NSF: variants seen among roughly 807,000 people sequenced by gnomAD.
NSF encodes vesicle-fusing ATPase.
In NSF, 14 loss-of-function variants were observed where a neutral mutation model predicts 50.3. The observed-to-expected ratio is 0.28, with a 90% CI of 0.18 to 0.44. NSF has a LOEUF of 0.44. Among genes scored for constraint, NSF ranks in the 20% least tolerant of loss-of-function variants. The pLI, the probability that NSF is intolerant of heterozygous loss-of-function variation, is 1.00. For missense variants in NSF, 218 were observed against 504.3 expected (o/e 0.43, Z 5.44); for synonymous variants, 109 against 175.7 (o/e 0.62, Z 3.00).
intron 9 of NSF, among the ~76,000 whole-genome samples, chr17:46,680,392 T>C (rs1385468030): frequency 1.3e-5 from 2 of 151,520 alleles, no homozygotes; most frequent in Non-Finnish European, 2.9e-5. Flanking sequence ...GGAGCTGAGA[T>C]AATTGACTAC....
intron 9 of NSF, among the ~76,000 whole-genome samples, chr17:46,676,149 C>T (rs1293783862): frequency 1.1e-4 from 15 of 141,196 alleles, no homozygotes; most frequent in Non-Finnish European, 1.9e-4. Flanking sequence ...ATATCTGCTG[C>T]CACCACAGGG....
Position 46,708,492 on chromosome 17 carries a change from T to C in NSF, c.1471-2471T>C, listed in dbSNP as rs1240241024. On this transcript the variant is annotated intron_variant, in intron 13 of 20. Transcript: ENST00000398238. ...CTTATCAACCATTTGTTACATATCC[T>C]TTTTTTTTTTTTTTTTTTTGAGACA... Among the ~76,000 whole-genome samples the C allele has an allele frequency of 1.5e-3, 153 of 102,406 alleles. 4 individuals carry two copies. The East Asian group carries it at 0.11, about 77-fold the overall frequency. 67.2% of individuals were successfully genotyped at this position (102,406 alleles called of 152,430 possible).
In NSF at chr17:46,755,303, G is replaced by C; in HGVS notation, c.2158-11G>C. On this transcript the variant is annotated splice_polypyrimidine_tract_variant and intron_variant, in intron 19 of 20. Transcript: ENST00000398238. ...CCATTAACCCATCTTCATTTCTTCT[G>C]ATGTATTTAGATGGATCCTGAATAC... The C allele has an allele frequency of 6.2e-7, 1 of 1,608,926 alleles. No individual in the cohort carries two copies. The highest frequency in any genetic ancestry group is 1.3e-5 in the African/African-American group (1 of 74,970).
At chr17:46,605,592 C>T in intron 1 of NSF, among the ~76,000 whole-genome samples, 1 of 70,238 alleles carries the variant, frequency 1.4e-5, no homozygotes, top group Non-Finnish European at 2.7e-5. Context: ...AATTGTCAAC[C>T]AAGAATTGTA....
intron 12 of NSF, among the ~76,000 whole-genome samples, chr17:46,695,221 G>A (rs1480285676): frequency 7.1e-6 from 1 of 140,086 alleles, no homozygotes; most frequent in Non-Finnish European, 1.5e-5. Flanking sequence ...ACTCCAGCCT[G>A]GGTGACAGAG....
rs772447206 is a variant in NSF, at chr17:46,757,425, C to T, written c.*1602C>T. On this transcript the variant is annotated 3_prime_UTR_variant, in exon 21 of 21. Coordinates refer to ENST00000398238, the MANE Select transcript of NSF (RefSeq NM_006178.4). ...TGTATTGAAAAAATATTGTTTAATG[C>T]AAATGAAGGAATGCAATAAAGAGTA... 1.3e-5 allele frequency: 2 copies of T among 152,534 alleles called. No individual in the cohort carries two copies. The highest frequency in any genetic ancestry group is 2.4e-5 in the African/African-American group (1 of 41,480). 9.4% of individuals were successfully genotyped at this position (152,534 alleles called of 1,614,324 possible).
intron 19 of NSF, among the ~76,000 whole-genome samples, chr17:46,753,867 A>C (rs2059207823): frequency 6.6e-6 from 1 of 152,208 alleles, no homozygotes; most frequent in Non-Finnish European, 1.5e-5. Context: ...GAGAGGCTGA[A>C]CCTAAGTGAA....
At chr17:46,691,449 G>T (rs2058545295) in intron 9 of NSF, among the ~76,000 whole-genome samples, 1 of 116,578 alleles carries the variant, frequency 8.6e-6, no homozygotes, top group African/African-American at 3.5e-5. Flanking sequence ...ACAAAAATTA[G>T]CCAGGAGTGG....
At chr17:46,729,075 T>A (rs974575259) in intron 17 of NSF, 141 bp downstream of exon 17, 1 of 554,098 alleles carries the variant, frequency 1.8e-6, no homozygotes, top group East Asian at 3.0e-5. Context: ...TCGTCCAGTC[T>A]TGACTTCTGT....
At chr17:46,715,920 G>A (rs1004945048) in intron 15 of NSF, among the ~76,000 whole-genome samples, 3 of 152,068 alleles carry the variant, frequency 2.0e-5, no homozygotes, top group African/African-American at 4.8e-5. Flanking sequence ...GATCATCCGT[G>A]CACTCTTAAA....
chr17:46,704,963 A>G (rs1297203737), intron 13 of NSF, 109 bp downstream of exon 13: 6 of 1,019,034 alleles, frequency 5.9e-6, no homozygotes, highest in Non-Finnish European at 8.3e-6. Context: ...TAGCATATGC[A>G]GTTTCATAAA....
intron 15 of NSF, among the ~76,000 whole-genome samples, chr17:46,714,375 CAG>C (rs1340265769): frequency 6.6e-6 from 1 of 152,120 alleles, no homozygotes; most frequent in Non-Finnish European, 1.5e-5. Context: ...TTGAGGAAGA[CAG>C]AGATGTATCA....
At chr17:46,755,253 G>A in intron 19 of NSF, 61 bp from the exon 20 acceptor site, 1 of 1,278,504 alleles carries the variant, frequency 7.8e-7, no homozygotes, top group Non-Finnish European at 1.1e-6. Flanking sequence ...TTCTCATGAA[G>A]CAAGTGCAGA....
intron 17 of NSF, among the ~76,000 whole-genome samples, chr17:46,743,071 C>T (rs2059092852): frequency 1.3e-5 from 2 of 152,106 alleles, no homozygotes; most frequent in Non-Finnish European, 2.9e-5. Flanking sequence ...TGTGAGTCAC[C>T]CCACTGCCAT....
intron 13 of NSF, among the ~76,000 whole-genome samples, chr17:46,709,398 G>A (rs2058695416): frequency 6.6e-6 from 1 of 152,038 alleles, no homozygotes. Flanking sequence ...TATATCTTGG[G>A]AGAGTCACTG....
chr17:46,711,165 G>A (rs1361001375), intron 14 of NSF, 46 bp downstream of exon 14: 3 of 1,446,184 alleles, frequency 2.1e-6, no homozygotes, highest in Admixed American at 2.9e-5. Flanking sequence ...AGGAAAAAAA[G>A]CAGCATTTTT....
intron 14 of NSF, among the ~76,000 whole-genome samples, chr17:46,712,080 TG>T (rs2058725123): frequency 6.6e-6 from 1 of 152,162 alleles, no homozygotes; most frequent in East Asian, 1.9e-4. Flanking sequence ...GAGAATGGAT[TG>T]GAGGGGCAAA....
intron 13 of NSF, among the ~76,000 whole-genome samples, chr17:46,707,664 G>A (rs945669509): frequency 6.6e-6 from 1 of 152,040 alleles, no homozygotes; most frequent in Admixed American, 6.6e-5. Context: ...CTTATTTGAC[G>A]TAGCATAATG....
At chr17:46,684,309 T>C (rs2058474180) in intron 9 of NSF, among the ~76,000 whole-genome samples, 2 of 129,452 alleles carry the variant, frequency 1.5e-5, no homozygotes, top group South Asian at 5.9e-4. Flanking sequence ...CATGAACTCA[T>C]CTGTTTTTAT....
Sources: allele counts gnomAD v4.1 joint callset (sites outside exome capture counted in the v4.1 genomes callset), GRCh38; gene constraint gnomAD v4.1.1; transcripts MANE v1.5; gene names NCBI Gene and HGNC (gene_info 2026-07-23, HGNC 2026-07-21).